USP37: variants seen among roughly 807,000 people sequenced by gnomAD.
The protein encoded by USP37 is ubiquitin specific peptidase 37, also known as ubiquitin carboxyl-terminal hydrolase 37.
USP37 carries 27 observed loss-of-function variants against 124.0 expected under a neutral mutation model. The observed-to-expected ratio is 0.22, with a 90% CI of 0.16 to 0.30. USP37 has a LOEUF of 0.30. USP37 is among the 10% of genes least tolerant of loss of function. The pLI, the probability that USP37 is intolerant of heterozygous loss-of-function variation, is 1.00. For missense variants in USP37, 889 were observed against 1,140.4 expected, an observed-to-expected ratio of 0.78 and a Z score of 3.17; for synonymous variants, 365 against 388.0, an observed-to-expected ratio of 0.94 and a Z score of 0.70.
chr2:218,555,312 T>C (rs1021144037), intron 4 of USP37, among the ~76,000 whole-genome samples: 5 of 151,490 alleles, frequency 3.3e-5, no homozygotes, highest in South Asian at 2.1e-4. Flanking sequence ...CTAGAGAAAA[T>C]TGACTTTTGT....
chr2:218,490,876 C>A (rs1325355319), intron 14 of USP37, among the ~76,000 whole-genome samples: 2 of 151,930 alleles, frequency 1.3e-5, no homozygotes, highest in African/African-American at 4.8e-5. Flanking sequence ...TCATATGAGC[C>A]CTTCTGTTTG....
chr2:218,538,316 T>A (rs759813024), intron 8 of USP37, among the ~76,000 whole-genome samples: 1 of 152,156 alleles, frequency 6.6e-6, no homozygotes, highest in African/African-American at 2.4e-5. Context: ...CATGGACTCC[T>A]GGGTTGTGGC....
At chr2:218,484,068 AGAATCGCTTGAACCCAGGAGGCGGGG>A (rs1189628456) in intron 16 of USP37, among the ~76,000 whole-genome samples, 1 of 151,876 alleles carries the variant, frequency 6.6e-6, no homozygotes, top group East Asian at 1.9e-4. Flanking sequence ...CTGAGGCAGG[AGAATCGCTTGAACCCAGGAGGCGGGG>A]GTTGCAGTGA....
chr2:218,511,726 C>T (rs566943319), intron 10 of USP37, among the ~76,000 whole-genome samples: 54 of 152,208 alleles, frequency 3.5e-4, no homozygotes, highest in African/African-American at 1.2e-3. Context: ...GGATTACAGG[C>T]GTGAGCCACT....
rs1689449307 is a variant in USP37, at chr2:218,450,393, A to G, written c.*4537T>C. 1 of 152,656 alleles carries G rather than the reference A, an allele frequency of 6.6e-6. No homozygotes were observed. The highest frequency in any genetic ancestry group is 2.4e-5 in the African/African-American group (1 of 41,468). The allele number at this position is 152,656 out of a possible 1,614,324, so 9.5% of individuals were successfully genotyped here. On this transcript the variant is annotated 3_prime_UTR_variant, in exon 26 of 26. Coordinates refer to ENST00000258399, the MANE Select transcript of USP37 (RefSeq NM_020935.3). ...CAGATAAAAGTGCCGCTCCATACAA[A>G]ACATAAAGAATCAGAATCAAAAGTC...
intron 11 of USP37, among the ~76,000 whole-genome samples, chr2:218,508,316 T>C (rs1689794198): frequency 6.6e-6 from 1 of 151,988 alleles, no homozygotes; most frequent in African/African-American, 2.4e-5. Context: ...CCTGAGTACT[T>C]ACACTGCTTG....
chr2:218,504,192 A>G (rs1019473306), intron 11 of USP37, among the ~76,000 whole-genome samples: 1 of 152,230 alleles, frequency 6.6e-6, no homozygotes, highest in Non-Finnish European at 1.5e-5. Context: ...TAATATACAA[A>G]TTTCTGACCT....
In USP37 at chr2:218,466,150, T is replaced by C; in HGVS notation, c.2326A>G (p.Lys776Glu). ...LDPASFTEIT[K>E]DCDENKENKT... ...TTTTCTTTATTCTCATCACAGTCTT[T>C]AGTTATCTCAGTAAAACTGGCAGGA... Residue 776 changes from lysine to glutamate, a missense_variant, in exon 21 of 26, where the codon AAA becomes GAA. Physicochemically the swap from Lys to Glu is moderately conservative, Grantham distance 56. This residue lies in a region of USP37 where 504 missense variants were observed against 714.3 expected (regional missense o/e 0.71). Coordinates refer to ENST00000258399, the MANE Select transcript of USP37 (RefSeq NM_020935.3). 1 of 1,608,810 alleles carries C rather than the reference T, an allele frequency of 6.2e-7. No homozygotes were observed.
intron 10 of USP37, among the ~76,000 whole-genome samples, chr2:218,523,614 T>G (rs1415712006): frequency 6.6e-6 from 1 of 152,180 alleles, no homozygotes; most frequent in African/African-American, 2.4e-5. Flanking sequence ...AACAGGATGT[T>G]ACTATGTTGC....
chr2:218,555,094 T>C (rs1253189251), intron 4 of USP37, among the ~76,000 whole-genome samples: 1 of 152,208 alleles, frequency 6.6e-6, no homozygotes, highest in African/African-American at 2.4e-5. Flanking sequence ...TAACTTTTAT[T>C]TTCTCTTAAA....
chr2:218,523,676 C>T (rs1297912603), intron 10 of USP37, among the ~76,000 whole-genome samples: 2 of 152,234 alleles, frequency 1.3e-5, no homozygotes, highest in Admixed American at 6.5e-5. Flanking sequence ...CCTTTGCCCC[C>T]TTAAGTACTG....
At chr2:218,536,148 T>C (rs1321609703) in intron 8 of USP37, among the ~76,000 whole-genome samples, 2 of 152,138 alleles carry the variant, frequency 1.3e-5, no homozygotes, top group East Asian at 1.9e-4. Flanking sequence ...TTCTTTAGGA[T>C]CATGAATACA....
chr2:218,540,228 G>A (rs1033246476), intron 8 of USP37, among the ~76,000 whole-genome samples: 8 of 152,184 alleles, frequency 5.3e-5, no homozygotes, highest in Admixed American at 2.6e-4. Context: ...ACTAATGGGC[G>A]GGTAGCATAT....
chr2:218,465,672 C>T (rs1690275209), intron 21 of USP37, among the ~76,000 whole-genome samples: 2 of 152,134 alleles, frequency 1.3e-5, no homozygotes, highest in Admixed American at 1.3e-4. Context: ...ATTCTCCTGC[C>T]TCAGCCTTCT....
chr2:218,543,031 C>T (rs1189273580), intron 8 of USP37, among the ~76,000 whole-genome samples: 1 of 152,118 alleles, frequency 6.6e-6, no homozygotes, highest in Non-Finnish European at 1.5e-5. Context: ...TTGATAAAAA[C>T]GGTCATATTA....
chr2:218,473,288 A>G (rs898024938), intron 20 of USP37: 3 of 152,222 alleles, frequency 2.0e-5, no homozygotes, highest in African/African-American at 7.2e-5. Flanking sequence ...TCAGGAAGGG[A>G]CAAAAGCACT....
In USP37 at chr2:218,488,343, A is replaced by T. The variant is rs1398137960; in HGVS notation, c.1551T>A (p.Pro517=). 6.2e-7 allele frequency: 1 copy of T among 1,612,630 alleles called. No individual in the cohort carries two copies. The highest frequency in any genetic ancestry group is 2.2e-5 in the East Asian group (1 of 44,820). ...IDLPRRKKPL[P]PRSIQDSLDL... ...CAAGAGAATCTTGAATTGAACGAGGAGGGAGTGGTTTTTTCCTACGAGGAA... is the reference window on the plus strand; with the variant it reads ...CAAGAGAATCTTGAATTGAACGAGGTGGGAGTGGTTTTTTCCTACGAGGAA... The change falls in exon 15 of 26, where the codon CCT becomes CCA. Residue 517 remains proline, a synonymous_variant. Coordinates refer to ENST00000258399, the MANE Select transcript of USP37 (RefSeq NM_020935.3).
At chr2:218,552,199 C>T (rs1324034990) in intron 5 of USP37, among the ~76,000 whole-genome samples, 3 of 152,018 alleles carry the variant, frequency 2.0e-5, no homozygotes, top group Non-Finnish European at 4.4e-5. Context: ...TCATAAAAAG[C>T]TTTTATTTTA....
At chr2:218,496,062 G>C (rs1689063373) in intron 13 of USP37, 112 bp from the exon 14 acceptor site, 2 of 1,060,008 alleles carry the variant, frequency 1.9e-6, no homozygotes, top group East Asian at 5.3e-5. Flanking sequence ...GGAAGGCTGA[G>C]GCAGGCGGAT....
Sources: gnomAD v4.1 joint callset for allele counts (sites outside exome capture counted in the v4.1 genomes callset) on GRCh38, gnomAD v4.1.1 for gene constraint, gnomAD v4.1.1 regional missense constraint, MANE v1.5 for transcripts, NCBI Gene and HGNC (gene_info 2026-07-23, HGNC 2026-07-21) for gene names.